The following SEC24B variants were observed in gnomAD, a reference collection of about 807,000 sequenced individuals.
SEC24B encodes the protein SEC24 homolog B, COPII component, also known as protein transport protein Sec24B.
A neutral mutation model predicts 142.8 loss-of-function variants in SEC24B; 45 were observed. The ratio of observed to expected loss-of-function variants is 0.32; its 90% confidence interval spans 0.25 to 0.40. The LOEUF (loss-of-function observed/expected upper bound fraction) is 0.40. Ranked by LOEUF, SEC24B falls within the 10% of genes least tolerant of loss-of-function variation. The pLI is 1.00. For missense variants in SEC24B, 1,409 were observed against 1,526.8 expected (o/e 0.92, Z 1.29); for synonymous variants, 574 against 568.2 (o/e 1.01, Z -0.15).
At chr4:109,517,390 T>C (rs997768815) in intron 11 of SEC24B, among the ~76,000 whole-genome samples, 1 of 152,176 alleles carries the variant, frequency 6.6e-6, no homozygotes, top group Non-Finnish European at 1.5e-5. Context: ...TTCTCATTCA[T>C]TGTGGGAGCT....
chr4:109,514,160 A>C (rs1016439391), intron 10 of SEC24B, among the ~76,000 whole-genome samples: 2 of 152,174 alleles, frequency 1.3e-5, no homozygotes, highest in African/African-American at 4.8e-5. Flanking sequence ...TTACCATTTA[A>C]CATTTAAGAC....
chr4:109,463,894 A>G lies in SEC24B; in HGVS notation c.877+250A>G, dbSNP rs139613837. Among the ~76,000 whole-genome samples the G allele has an allele frequency of 5.3e-3, 803 of 152,302 alleles. 34 individuals carry two copies. In the South Asian group the frequency reaches 0.079, roughly 15 times the overall value. On this transcript the variant is annotated intron_variant, in intron 2 of 23. Transcript: ENST00000265175. ...CAGTCAACATTTATTGATATATTTT[A>G]TACATCTGCAATAGTTGTCTTTAAT...
intron 1 of SEC24B, among the ~76,000 whole-genome samples, chr4:109,442,267 A>G (rs780991874): frequency 3.3e-5 from 5 of 152,158 alleles, no homozygotes; most frequent in Non-Finnish European, 7.3e-5. Flanking sequence ...TGTGCCAGGC[A>G]TTACTCCTTC....
chr4:109,485,042 G>GT (rs1376903186), intron 4 of SEC24B, among the ~76,000 whole-genome samples: 5 of 152,130 alleles, frequency 3.3e-5, no homozygotes, highest in Middle Eastern at 3.4e-3. Flanking sequence ...GTCTCCCTTG[G>GT]TTTTTGTGTC....
chr4:109,457,598 C>A (rs1322784875), intron 1 of SEC24B, among the ~76,000 whole-genome samples: 2 of 152,062 alleles, frequency 1.3e-5, no homozygotes, highest in Admixed American at 1.3e-4. Context: ...AATACCGTTA[C>A]AATGGCAATG....
intron 1 of SEC24B, among the ~76,000 whole-genome samples, chr4:109,447,019 G>A (rs1329240293): frequency 6.6e-6 from 1 of 152,138 alleles, no homozygotes; most frequent in East Asian, 1.9e-4. Flanking sequence ...CCAAAATACT[G>A]TGGAAGCAAT....
In SEC24B at chr4:109,520,390, A is replaced by G; in HGVS notation, c.2151A>G (p.Arg717=). 6.2e-7 allele frequency: 1 copy of G among 1,610,038 alleles called. No individual in the cohort carries two copies. Among genetic ancestry groups the G allele is most frequent in the South Asian group, 1.1e-5 (1 of 90,760 alleles). ...GGCTTCCTGGAGATTCACGAACAAG[A>G]ATAGGATTCATGACCTTTGATAGCA... ...LDKLPGDSRT[R]IGFMTFDSTI... is the part of the protein sequence containing the mutation. Residue 717 remains arginine (R), a synonymous_variant, in exon 12 of 24, where the codon AGA becomes AGG. Transcript: ENST00000265175.
intron 2 of SEC24B, among the ~76,000 whole-genome samples, chr4:109,466,279 TGTACTAG>T (rs1440461287): frequency 6.6e-5 from 10 of 152,208 alleles, no homozygotes; most frequent in African/African-American, 2.4e-4. Context: ...AAAAGTACCT[TGTACTAG>T]GTACAGGGTA....
rs1735705004 is a variant in SEC24B at position 109,497,976 on chromosome 4, A to G, written c.1488+3120A>G. Among the ~76,000 whole-genome samples, 6 of 152,220 alleles carry G rather than the reference A, an allele frequency of 3.9e-5. No homozygotes were observed. In the South Asian group the frequency reaches 1.2e-3, roughly 31 times the overall value. The stretch of plus-strand genomic sequence containing the variant: ...TTGGAATTTTGACTTTCTAAATTGT[A>G]AATAGTCACCTTCCTTTCATTTTGT... On this transcript the variant is annotated intron_variant, in intron 6 of 23. Transcript: ENST00000265175.
At chr4:109,515,824 G>A (rs1350590856) in intron 10 of SEC24B, among the ~76,000 whole-genome samples, 1 of 152,054 alleles carries the variant, frequency 6.6e-6, no homozygotes, top group African/African-American at 2.4e-5. Flanking sequence ...CGGATCAAGT[G>A]ACATCAGGAG....
chr4:109,445,238 C>G (rs112157974), intron 1 of SEC24B, among the ~76,000 whole-genome samples: 6,490 of 129,310 alleles, frequency 0.05, 174 homozygotes, highest in African/African-American at 0.084. Flanking sequence ...TTCTTTCTTT[C>G]TTTGTTTTTT....
Position 109,494,817 on chromosome 4 carries a change from C to T in SEC24B, c.1449C>T (p.Pro483=). Residue 483 remains proline, a synonymous_variant, in exon 6 of 24, where the codon CCC becomes CCT. Coordinates refer to ENST00000265175, the MANE Select transcript of SEC24B (RefSeq NM_006323.5). ...CACCACTTATTTCTGGAGTACAGCC[C>T]AGTAACCCGGTATATTCTGGATTCC... is the stretch of plus-strand genomic sequence containing the variant. ...ATAPLISGVQ[P]SNPVYSGFQQ... 6.2e-7 allele frequency: 1 copy of T among 1,614,064 alleles called. No individual in the cohort carries two copies. The highest frequency in any genetic ancestry group is 8.5e-7 in the Non-Finnish European group (1 of 1,179,930).
intron 2 of SEC24B, among the ~76,000 whole-genome samples, chr4:109,467,971 A>G (rs1732132159): frequency 6.6e-6 from 1 of 152,202 alleles, no homozygotes; most frequent in Non-Finnish European, 1.5e-5. Context: ...TCTTAAATAA[A>G]AGTCCACTAC....
intron 1 of SEC24B, among the ~76,000 whole-genome samples, chr4:109,443,392 G>T (rs1357800102): frequency 3.3e-5 from 5 of 152,054 alleles, no homozygotes; most frequent in Non-Finnish European, 5.9e-5. Context: ...CAATGCATAT[G>T]TAATCCTAAC....
intron 11 of SEC24B, 48 bp from the exon 12 acceptor site, chr4:109,520,318 A>G (rs775703294): frequency 9.4e-7 from 1 of 1,067,180 alleles, no homozygotes; most frequent in Non-Finnish European, 1.4e-6. Context: ...CTGAAATGAA[A>G]TATGTTACTG....
chr4:109,523,745 C>T (rs1171056017), intron 14 of SEC24B, among the ~76,000 whole-genome samples: 2 of 151,994 alleles, frequency 1.3e-5, no homozygotes, highest in Admixed American at 6.6e-5. Context: ...AGGATAAATT[C>T]CTAGAAGTGA....
chr4:109,497,486 A>T (rs939636071), intron 6 of SEC24B, among the ~76,000 whole-genome samples: 1 of 152,126 alleles, frequency 6.6e-6, no homozygotes, highest in Admixed American at 6.5e-5. Flanking sequence ...TATTAATCAC[A>T]CTTAAGTGAG....
intron 6 of SEC24B, among the ~76,000 whole-genome samples, chr4:109,502,977 T>A (rs1206963738): frequency 6.6e-6 from 1 of 152,184 alleles, no homozygotes; most frequent in Non-Finnish European, 1.5e-5. Context: ...CATGTTGACA[T>A]TGGTTTTTAA....
chr4:109,539,647 T>C lies in SEC24B; in HGVS notation c.3779T>C (p.Leu1260Pro). ...EAAFSYYEFL[L>P]HVQQQICK is the part of the protein sequence containing the mutation. ...GCATTTTCTTACTATGAATTTTTGC[T>C]TCATGTTCAGCAGCAGATTTGTAAG... The change falls in exon 24 of 24, where the codon CTT becomes CCT. Residue 1260 changes from leucine (L) to proline (P), a missense_variant. By Grantham distance (98) the Leu-to-Pro change is moderately conservative (BLOSUM62 -3). Transcript: ENST00000265175. 6.2e-7 allele frequency: 1 copy of C among 1,612,864 alleles called. No individual in the cohort carries two copies.
Sources: allele counts gnomAD v4.1 joint callset (sites outside exome capture counted in the v4.1 genomes callset), GRCh38; gene constraint gnomAD v4.1.1; transcripts MANE v1.5; gene names NCBI Gene and HGNC (gene_info 2026-07-23, HGNC 2026-07-21).